The following GUSB variants were observed in gnomAD, a reference collection of about 807,000 sequenced individuals.
The protein encoded by GUSB is glucuronidase beta.
GUSB carries 51 observed loss-of-function variants against 74.6 expected under a neutral mutation model. The observed-to-expected ratio is 0.68, with a 90% CI of 0.55 to 0.86. The LOEUF is 0.86. Among genes scored for constraint, GUSB ranks in the 40% least tolerant of loss-of-function variants. The pLI, the probability that GUSB is intolerant of heterozygous loss-of-function variation, is 0.00. For missense variants in GUSB, 736 were observed against 853.7 expected (o/e 0.86, Z 1.72); for synonymous variants, 360 against 348.3 (o/e 1.03, Z -0.37).
rs138955514 is a variant in GUSB, at chr7:65,980,032, G to A, written c.397-121C>T. On this transcript the variant is annotated intron_variant, in intron 2 of 11. Coordinates refer to ENST00000304895, the MANE Select transcript of GUSB (RefSeq NM_000181.4). ...GCTCCGGGGCCTTCCAGCCAGACGG[G>A]AAGAATGACATCCCAATGGGGTAGA... The A allele has an allele frequency of 1.7e-3, 1,620 of 973,104 alleles. 33 individuals are homozygous for A. The East Asian group carries it at 0.033, about 20-fold the overall frequency. 60.3% of individuals were successfully genotyped at this position (973,104 alleles called of 1,614,324 possible).
At chr7:65,981,655 CA>C (rs1189189289) in intron 1 of GUSB, among the ~76,000 whole-genome samples, 1 of 152,068 alleles carries the variant, frequency 6.6e-6, no homozygotes, top group Non-Finnish European at 1.5e-5. Flanking sequence ...GCCTGGGAAA[CA>C]GGTGCAAACC....
Position 65,979,513 on chromosome 7 carries a change from T to C in GUSB, c.610A>G (p.Thr204Ala), listed in dbSNP as rs1411774651. Residue 204 changes from threonine to alanine, a missense_variant, in exon 4 of 12, where the codon ACA becomes GCA. Thr to Ala is a moderately conservative substitution (Grantham distance 58). Around this residue, in one of 2 missense-constraint regions of GUSB, gnomAD observed 368 missense variants for 363.8 expected, o/e 1.01. Coordinates refer to ENST00000304895, the MANE Select transcript of GUSB (RefSeq NM_000181.4). ...GCGTAGTTGAAAAAGTCAAAATATGTGTTCTGGACAAAGTAACCCTTGGGA... is the reference window on the plus strand; with the variant it reads ...GCGTAGTTGAAAAAGTCAAAATATGCGTTCTGGACAAAGTAACCCTTGGGA... ...KYPKGYFVQN[T>A]YFDFFNYAGL... The C allele has an allele frequency of 1.2e-6, 2 of 1,614,138 alleles. No homozygotes were observed. Among genetic ancestry groups the C allele is most frequent in the Non-Finnish European group, 1.7e-6 (2 of 1,180,012 alleles).
At chr7:65,980,108 G>T in intron 2 of GUSB, 116 bp downstream of exon 2, 1 of 1,118,108 alleles carries the variant, frequency 8.9e-7, no homozygotes. Flanking sequence ...GCAGGGCAGG[G>T]CAGGACCCCC....
intron 11 of GUSB, among the ~76,000 whole-genome samples, chr7:65,961,932 G>A (rs939884733): frequency 1.3e-5 from 2 of 151,832 alleles, no homozygotes; most frequent in Admixed American, 6.6e-5. Context: ...AACCCAGGAC[G>A]CAGAGGTTGC....
chr7:65,979,369 C>T lies in GUSB; in HGVS notation c.724+30G>A, dbSNP rs538861819. 3.0e-5 allele frequency: 47 copies of T among 1,567,640 alleles called. 1 individual carries two copies. The highest frequency in any genetic ancestry group is 2.5e-4 in the South Asian group (22 of 88,820). ...GAACAAACAGAGCCACCCTGGGCCC[C>T]GCTGAGAGGATCCTACCAGAAGCCC... On this transcript the variant is annotated intron_variant, in intron 4 of 11. Coordinates refer to ENST00000304895, the MANE Select transcript of GUSB (RefSeq NM_000181.4).
intron 4 of GUSB, among the ~76,000 whole-genome samples, chr7:65,976,983 T>C (rs114557418): frequency 6.3e-4 from 96 of 152,028 alleles, no homozygotes; most frequent in African/African-American, 2.2e-3. Context: ...TGAACAAGCA[T>C]GTACAGCTAC....
rs1311870787 is a variant in GUSB, at chr7:65,974,427, T to C, written c.1259A>G (p.Asn420Ser). The change falls in exon 8 of 12, where the codon AAC (asparagine) becomes AGC (serine). Residue 420 changes from asparagine (N) to serine (S), a missense_variant. Around this residue, in one of 2 missense-constraint regions of GUSB, gnomAD observed 368 missense variants for 489.9 expected, o/e 0.75. Coordinates refer to ENST00000304895, the MANE Select transcript of GUSB (RefSeq NM_000181.4). ...VGLALPQFFN[N>S]VSLHHHMQVM... ...CTGCATGTGGTGATGCAGAGAAACG[T>C]TGTTGAAGAACTGCCTGCGGGCCAG... 1.9e-6 allele frequency: 3 copies of C among 1,614,150 alleles called. No individual in the cohort carries two copies. The highest frequency in any genetic ancestry group is 1.7e-6 in the Non-Finnish European group (2 of 1,180,024).
intron 11 of GUSB, among the ~76,000 whole-genome samples, chr7:65,963,080 A>G (rs1346076053): frequency 6.6e-6 from 1 of 151,750 alleles, no homozygotes; most frequent in Non-Finnish European, 1.5e-5. Context: ...CTGGTCTCAA[A>G]CTCCTGACCT....
intron 4 of GUSB, among the ~76,000 whole-genome samples, chr7:65,979,074 C>G (rs61240358): frequency 0.019 from 2,855 of 152,202 alleles, 61 homozygotes; most frequent in East Asian, 0.09. Flanking sequence ...CGGCGCCCCC[C>G]CCACCGAAGC....
intron 4 of GUSB, among the ~76,000 whole-genome samples, chr7:65,976,677 A>C (rs960411547): frequency 6.6e-6 from 1 of 150,830 alleles, no homozygotes; most frequent in Admixed American, 6.6e-5. Flanking sequence ...CACACCTGTA[A>C]TCCCAACACT....
In GUSB at chr7:65,960,749, T is replaced by C. The variant is rs568655640; in HGVS notation, c.*148A>G. 1.5e-5 allele frequency: 11 copies of C among 723,514 alleles called. No individual in the cohort carries two copies. The highest frequency in any genetic ancestry group is 1.1e-4 in the South Asian group (7 of 66,120). 44.8% of individuals were successfully genotyped at this position (723,514 alleles called of 1,614,324 possible). A position where few individuals can be genotyped will look rare whatever the true frequency, so the allele number is the denominator to read the frequency against. ...ATAGAAAATCTTTTATTTCCACCTT[T>C]AGTGTTCCCTGCTAGAATAGATGAC... On this transcript the variant is annotated 3_prime_UTR_variant, in exon 12 of 12. Coordinates refer to ENST00000304895, the MANE Select transcript of GUSB (RefSeq NM_000181.4).
rs190185814 is a variant in GUSB, at chr7:65,980,795, T to C, written c.211-386A>G. On this transcript the variant is annotated intron_variant, in intron 1 of 11. Transcript: ENST00000304895. ...AGGACACTGTGAGTGGGGTGCACACTGGCACCCAGCCCCCTCCTCTTTCCC... is the reference window on the plus strand; with the variant it reads ...AGGACACTGTGAGTGGGGTGCACACCGGCACCCAGCCCCCTCCTCTTTCCC... 1.0e-3 allele frequency: 352 copies of C among 339,236 alleles called. 1 individual carries two copies. Among genetic ancestry groups the C allele is most frequent in the African/African-American group, 7.1e-3 (336 of 47,158 alleles). 21.0% of individuals were successfully genotyped at this position (339,236 alleles called of 1,614,324 possible). A position where few individuals can be genotyped will look rare whatever the true frequency, so the allele number is the denominator to read the frequency against.
intron 11 of GUSB, among the ~76,000 whole-genome samples, chr7:65,962,133 T>G (rs564791649): frequency 9.9e-5 from 15 of 152,200 alleles, no homozygotes; most frequent in Non-Finnish European, 1.9e-4. Context: ...TTGAAAAGCC[T>G]TGGGCCTTTC....
In GUSB at chr7:65,982,176, CG is replaced by C. The variant is rs1308621841; in HGVS notation, c.7del (p.Arg3GlyfsTer103). ...CGCCGCCCAGGCAACCGCCGACCCC[CG>C]GGCCATGCTTCCCGGTCCCCCGCTC... The part of the protein sequence containing the change: MA[R>X]GSAVAWAALG... On this transcript the variant is annotated frameshift_variant, in exon 1 of 12. Coordinates refer to ENST00000304895, the MANE Select transcript of GUSB (RefSeq NM_000181.4). LOFTEE classifies it high-confidence loss of function. 1.3e-6 allele frequency: 2 copies of C among 1,513,152 alleles called. No individual in the cohort carries two copies. Among genetic ancestry groups the C allele is most frequent in the East Asian group, 5.2e-5 (2 of 38,462 alleles). 93.7% of individuals were successfully genotyped at this position (1,513,152 alleles called of 1,614,324 possible). A position where few individuals can be genotyped will look rare whatever the true frequency, so the allele number is the denominator to read the frequency against.
chr7:65,976,739 C>G (rs1791603001), intron 4 of GUSB, among the ~76,000 whole-genome samples: 1 of 151,670 alleles, frequency 6.6e-6, no homozygotes. Context: ...CAAGACCAGC[C>G]TGGGTAACAT....
At chr7:65,980,012 G>A (rs900224467) in intron 2 of GUSB, 101 bp from the exon 3 acceptor site, 39 of 1,072,728 alleles carry the variant, frequency 3.6e-5, no homozygotes, top group South Asian at 8.6e-5. Context: ...ATGGGGCTCC[G>A]GGGCCTTCCA....
chr7:65,979,307 G>A (rs914391986), intron 4 of GUSB, 92 bp downstream of exon 4: 11 of 1,246,688 alleles, frequency 8.8e-6, no homozygotes, highest in African/African-American at 1.5e-5. Flanking sequence ...TAGAGATGCT[G>A]GGAGCACCTT....
Position 65,967,850 on chromosome 7 carries a change from C to A in GUSB, c.1534G>T (p.Gly512Trp). The change falls in exon 10 of 12, where the codon GGG (glycine) becomes TGG (tryptophan). Residue 512 changes from glycine to tryptophan, a missense_variant. Gly to Trp is a radical substitution (Grantham distance 184). Transcript: ENST00000304895. ...TGCAGCTGAATCAACTCCAGGTGCCCGTAGTCGTGATACCAAGAGTAGTAG... is the reference window on the plus strand; with the variant it reads ...TGCAGCTGAATCAACTCCAGGTGCCAGTAGTCGTGATACCAAGAGTAGTAG... Reference protein sequence around the residue: ...NSYYSWYHDYGHLELIQLQLA... With the variant: ...NSYYSWYHDYWHLELIQLQLA... 1 of 1,607,338 alleles carries A rather than the reference C, an allele frequency of 6.2e-7. No individual in the cohort carries two copies.
chr7:65,972,156 C>CTGTTTT (rs1229132640), intron 8 of GUSB, among the ~76,000 whole-genome samples: 1 of 152,094 alleles, frequency 6.6e-6, no homozygotes, highest in African/African-American at 2.4e-5. Context: ...ACAGTACAGA[C>CTGTTTT]TGTTTTTGTT....
Sources: gnomAD v4.1 joint callset for allele counts (sites outside exome capture counted in the v4.1 genomes callset) on GRCh38, gnomAD v4.1.1 for gene constraint, gnomAD v4.1.1 regional missense constraint, MANE v1.5 for transcripts, NCBI Gene and HGNC (gene_info 2026-07-23, HGNC 2026-07-21) for gene names.